CMKLR2: variants seen among roughly 807,000 people sequenced by gnomAD.
The protein encoded by CMKLR2 is chemerin chemokine-like receptor 2.
Under a neutral mutation model 23.0 loss-of-function variants are expected in CMKLR2, and 18 were observed. The observed-to-expected ratio is 0.78, with a 90% confidence interval of 0.54 to 1.16. The LOEUF (loss-of-function observed/expected upper bound fraction) is 1.16, where lower values mean the gene tolerates loss of function less well. Among genes scored for constraint, CMKLR2 ranks in the 50% most tolerant of loss-of-function variants. CMKLR2 has a pLI of 0.00. For synonymous variants in CMKLR2, 158 were observed against 158.9 expected, an observed-to-expected ratio of 0.99 and a Z score of 0.05; for missense variants, 401 against 412.7, an observed-to-expected ratio of 0.97 and a Z score of 0.25.
chr2:206,205,366 G>A (rs953314160), intron 1 of CMKLR2, among the ~76,000 whole-genome samples: 1 of 151,966 alleles, frequency 6.6e-6, no homozygotes, highest in South Asian at 2.1e-4. Context: ...CTCGAAATAC[G>A]ACTTTATTTC....
chr2:206,179,134 G>A (rs1375739497), intron 1 of CMKLR2, among the ~76,000 whole-genome samples: 1 of 116,518 alleles, frequency 8.6e-6, no homozygotes, highest in Non-Finnish European at 1.6e-5. Flanking sequence ...GGAGTGCAAT[G>A]GTGTGATCTT....
At chr2:206,187,457 T>C (rs1688617266) in intron 1 of CMKLR2, among the ~76,000 whole-genome samples, 1 of 152,174 alleles carries the variant, frequency 6.6e-6, no homozygotes, top group Non-Finnish European at 1.5e-5. Context: ...TGTGTGATAA[T>C]GCAATCTCAA....
intron 1 of CMKLR2, among the ~76,000 whole-genome samples, chr2:206,201,078 A>T (rs1689079868): frequency 6.6e-6 from 1 of 152,060 alleles, no homozygotes; most frequent in Non-Finnish European, 1.5e-5. Flanking sequence ...TAGCCTCCTG[A>T]GTAACTGAGA....
Position 206,177,290 on chromosome 2 carries a change from TTAA to T in CMKLR2, c.-28-18_-28-16del. The stretch of plus-strand genomic sequence containing the variant: ...AATGAAGAAATCTGTAGAAGCAAAT[TTAA>T]AAAGAAAGAAAAAATTTTAAAAGAA... On this transcript the variant is annotated splice_polypyrimidine_tract_variant and intron_variant, in intron 1 of 1. Coordinates refer to ENST00000621141, the MANE Select transcript of CMKLR2 (RefSeq NM_001389445.1). The T allele has an allele frequency of 7.9e-7, 1 of 1,259,278 alleles. No homozygotes were observed. Among genetic ancestry groups the T allele is most frequent in the South Asian group, 1.5e-5 (1 of 65,330 alleles). The allele number at this position is 1,259,278 out of a possible 1,614,324, so 78.0% of individuals were successfully genotyped here. A position where few individuals can be genotyped will look rare whatever the true frequency, so the allele number is the denominator to read the frequency against.
At chr2:206,201,584 A>C (rs1338737514) in intron 1 of CMKLR2, among the ~76,000 whole-genome samples, 1 of 152,030 alleles carries the variant, frequency 6.6e-6, no homozygotes, top group African/African-American at 2.4e-5. Context: ...AACAACCTAA[A>C]TTTCTGCCCA....
chr2:206,184,982 ACTTT>A (rs913987789), intron 1 of CMKLR2, among the ~76,000 whole-genome samples: 5 of 151,876 alleles, frequency 3.3e-5, no homozygotes, highest in East Asian at 3.9e-4. Context: ...GTGGTTTTTA[ACTTT>A]CTTTCTTTCT....
chr2:206,194,338 A>AGAT (rs1261035678), intron 1 of CMKLR2, among the ~76,000 whole-genome samples: 3 of 152,184 alleles, frequency 2.0e-5, no homozygotes, highest in African/African-American at 7.2e-5. Context: ...GTATAGGATA[A>AGAT]GATGTAGACA....
chr2:206,189,001 C>T (rs904207465), intron 1 of CMKLR2, among the ~76,000 whole-genome samples: 2 of 152,248 alleles, frequency 1.3e-5, no homozygotes, highest in South Asian at 2.1e-4. Flanking sequence ...TAGAGGGAAA[C>T]ATTTTGTTCA....
At chr2:206,179,470 G>A (rs1324134017) in intron 1 of CMKLR2, among the ~76,000 whole-genome samples, 2 of 141,862 alleles carry the variant, frequency 1.4e-5, no homozygotes, top group South Asian at 2.3e-4. Flanking sequence ...TCCACCTCCC[G>A]GGTTCAAGTG....
At chr2:206,179,721 ACT>A (rs1317019267) in intron 1 of CMKLR2, among the ~76,000 whole-genome samples, 2 of 152,080 alleles carry the variant, frequency 1.3e-5, no homozygotes, top group African/African-American at 4.8e-5. Context: ...ACTGTGTGTA[ACT>A]CTGTCTTCTT....
chr2:206,194,392 A>G (rs1688850523), intron 1 of CMKLR2, among the ~76,000 whole-genome samples: 1 of 152,126 alleles, frequency 6.6e-6, no homozygotes, highest in Admixed American at 6.5e-5. Flanking sequence ...GTTGACCACA[A>G]CTAAACAATG....
intron 1 of CMKLR2, among the ~76,000 whole-genome samples, chr2:206,211,539 G>A (rs534138415): frequency 7.3e-5 from 11 of 151,618 alleles, no homozygotes; most frequent in South Asian, 6.2e-4. Flanking sequence ...GGCTGGTCTC[G>A]AACTCCTGGC....
chr2:206,212,647 CT>C (rs1689610748), intron 1 of CMKLR2, among the ~76,000 whole-genome samples: 1 of 152,172 alleles, frequency 6.6e-6, no homozygotes, highest in Non-Finnish European at 1.5e-5. Flanking sequence ...ACAGTCTTCC[CT>C]GCATTTAGCC....
chr2:206,212,754 G>A (rs1206515886), intron 1 of CMKLR2, among the ~76,000 whole-genome samples: 7 of 152,288 alleles, frequency 4.6e-5, no homozygotes, highest in African/African-American at 1.7e-4. Context: ...AAATGGGAAG[G>A]CCCAACAAAC....
At chr2:206,203,478 T>C (rs944326095) in intron 1 of CMKLR2, 1 of 152,010 alleles carries the variant, frequency 6.6e-6, no homozygotes, top group Non-Finnish European at 1.5e-5. Context: ...CAATGGCCAG[T>C]GGTTTAATCA....
chr2:206,210,509 A>G (rs1019838845), intron 1 of CMKLR2, among the ~76,000 whole-genome samples: 1 of 148,806 alleles, frequency 6.7e-6, no homozygotes, highest in Non-Finnish European at 1.5e-5. Context: ...CCCAGGCTGG[A>G]GTGCAATGGC....
intron 1 of CMKLR2, among the ~76,000 whole-genome samples, chr2:206,209,002 A>G (rs1689438720): frequency 6.6e-6 from 1 of 152,080 alleles, no homozygotes; most frequent in Admixed American, 6.6e-5. Context: ...ATCCATTTTT[A>G]TGTCAAAGCA....
At chr2:206,191,483 G>C (rs1353957640) in intron 1 of CMKLR2, among the ~76,000 whole-genome samples, 2 of 151,850 alleles carry the variant, frequency 1.3e-5, no homozygotes, top group East Asian at 3.9e-4. Flanking sequence ...TTGTTTTGTG[G>C]ACTTTGTTAA....
chr2:206,187,207 C>T (rs879922786), intron 1 of CMKLR2, among the ~76,000 whole-genome samples: 4 of 151,816 alleles, frequency 2.6e-5, no homozygotes, highest in African/African-American at 4.8e-5. Flanking sequence ...ATTAGCCAGG[C>T]GCAGTAAGGC....
Sources: gnomAD v4.1 joint callset for allele counts (sites outside exome capture counted in the v4.1 genomes callset) on GRCh38, gnomAD v4.1.1 for gene constraint, MANE v1.5 for transcripts, NCBI Gene and HGNC (gene_info 2026-07-23, HGNC 2026-07-21) for gene names.